The following PHOX2B variants were observed in gnomAD, a reference collection of about 807,000 sequenced individuals.
PHOX2B encodes the protein paired mesoderm homeobox protein 2B.
PHOX2B carries 1 observed loss-of-function variant against 15.5 expected under a neutral mutation model. The ratio of observed to expected loss-of-function variants is 0.06; its 90% CI spans 0.02 to 0.31. The LOEUF (loss-of-function observed/expected upper bound fraction) is 0.31, where lower values mean the gene tolerates loss of function less well. PHOX2B is among the 10% of genes least tolerant of loss of function. The probability of loss-of-function intolerance (pLI) is 1.00; values close to 1 mark genes in which losing one functional copy is unlikely to be tolerated. For synonymous variants in PHOX2B, 206 were observed against 190.5 expected, an observed-to-expected ratio of 1.08 and a Z score of -0.67; for missense variants, 314 against 436.4, an observed-to-expected ratio of 0.72 and a Z score of 2.50.
rs1733959026 is a variant in PHOX2B, at chr4:41,747,735, T to A, written c.242-199A>T. On this transcript the variant is annotated intron_variant, in intron 1 of 2. Transcript: ENST00000226382. ...GGAAACCTGGGCTCAAACTTCGGGC[T>A]TGGCGGAGTCCTTTCTGGCACAAGC... 5.7e-6 allele frequency: 4 copies of A among 699,848 alleles called. No homozygotes were observed. In the Admixed American group the frequency reaches 8.0e-5, roughly 14 times the overall value. The allele number at this position is 699,848 out of a possible 1,614,324, so 43.4% of individuals were successfully genotyped here. A position where few individuals can be genotyped will look rare whatever the true frequency, so the allele number is the denominator to read the frequency against.
At position 41,745,592 on chromosome 4, in the gene PHOX2B, T is replaced by G; in HGVS notation, c.*215A>C. On this transcript the variant is annotated 3_prime_UTR_variant, in exon 3 of 3. Coordinates refer to ENST00000226382, the MANE Select transcript of PHOX2B (RefSeq NM_003924.4). The surrounding 1 kb of genome is among the most constrained non-coding windows in gnomAD (Gnocchi z 4.0). ...TGCGAAGCCAGGGAAGTTTGTTTGT[T>G]TTGTTTGGGGGTTGAGGAAGGGGGT... 7.5e-6 allele frequency: 4 copies of G among 533,144 alleles called. No individual in the cohort carries two copies. The highest frequency in any genetic ancestry group is 9.5e-6 in the Non-Finnish European group (3 of 316,970). The allele number at this position is 533,144 out of a possible 1,614,324, so 33.0% of individuals were successfully genotyped here.
intron 2 of PHOX2B, 93 bp downstream of exon 2, chr4:41,747,256 G>A (rs1382363424): frequency 2.9e-6 from 3 of 1,042,656 alleles, no homozygotes; most frequent in Non-Finnish European, 4.4e-6. Context: ...TCTCACTCGA[G>A]GCTCCAGGAC....
Position 41,744,656 on chromosome 4 carries a change from G to T in PHOX2B, c.*1151C>A. 4.3e-6 allele frequency: 1 copy of T among 233,614 alleles called. No homozygotes were observed. The highest frequency in any genetic ancestry group is 6.0e-5 in the East Asian group (1 of 16,574). 14.5% of individuals were successfully genotyped at this position (233,614 alleles called of 1,614,324 possible). A position where few individuals can be genotyped will look rare whatever the true frequency, so the allele number is the denominator to read the frequency against. On this transcript the variant is annotated 3_prime_UTR_variant, in exon 3 of 3. Coordinates refer to ENST00000226382, the MANE Select transcript of PHOX2B (RefSeq NM_003924.4). The stretch of plus-strand genomic sequence containing the variant: ...CCATACAGGATGTGAGTCCAGTTCG[G>T]ATCATTCCAACAGAAATGCAAACCG...
chr4:41,745,799 A>G lies in PHOX2B; in HGVS notation c.*8T>C, dbSNP rs1273492201. Reference sequence around the variant, plus strand: ...TCGCCGCCGCCGCCGCCGCCGCAGGATTCCAGATCAGAACATACTGCTCTT... The same window carrying G: ...TCGCCGCCGCCGCCGCCGCCGCAGGGTTCCAGATCAGAACATACTGCTCTT... On this transcript the variant is annotated 3_prime_UTR_variant, in exon 3 of 3. Transcript: ENST00000226382. The surrounding 1 kb of genome is among the most constrained non-coding windows in gnomAD (Gnocchi z 4.0). 1 of 1,598,148 alleles carries G rather than the reference A, an allele frequency of 6.3e-7. No individual in the cohort carries two copies. Among genetic ancestry groups the G allele is most frequent in the African/African-American group, 1.4e-5 (1 of 71,672 alleles).
At chr4:41,748,177 A>T in intron 1 of PHOX2B, 193 bp downstream of exon 1, 1 of 637,872 alleles carries the variant, frequency 1.6e-6, no homozygotes. Flanking sequence ...TTCGGGTGTG[A>T]CTAGGATAGT....
intron 1 of PHOX2B, chr4:41,747,740 G>A (rs1400845950): frequency 4.3e-6 from 3 of 698,232 alleles, no homozygotes; most frequent in African/African-American, 3.5e-5. Flanking sequence ...CGGGCTTGGC[G>A]GAGTCCTTTC....
chr4:41,745,993 C>CGCT lies in PHOX2B; in HGVS notation c.758_759insAGC (p.Ala260dup). On this transcript the variant is annotated inframe_insertion, in exon 3 of 3. Transcript: ENST00000226382. This position sits in a 1 kb window ranked among gnomAD's most constrained non-coding sequence, Gnocchi z 4.0. ...CTCCAGCTGCCGCCGCTGCCGCTGC[C>CGCT]GCCGCCGCCGCTGCCGCGGCCGCCG... The CGCT allele has an allele frequency of 8.3e-7, 1 of 1,209,364 alleles. No homozygotes were observed. Among genetic ancestry groups the CGCT allele is most frequent in the Non-Finnish European group, 1.0e-6 (1 of 974,572 alleles). The allele number at this position is 1,209,364 out of a possible 1,614,324, so 74.9% of individuals were successfully genotyped here.
chr4:41,747,388 C>G lies in PHOX2B; in HGVS notation c.390G>C (p.Glu130Asp). ...CTGTGAGGTCGATCTTCAGGGCCAG[C>G]TCCTCCCGAGTGTAGATGTCGGGGT... ...THYPDIYTRE[E>D]LALKIDLTEA... Residue 130 changes from glutamate (E) to aspartate (D), a missense_variant, in exon 2 of 3, where the codon GAG (glutamate) becomes GAC (aspartate). Coordinates refer to ENST00000226382, the MANE Select transcript of PHOX2B (RefSeq NM_003924.4). The G allele has an allele frequency of 1.2e-6, 2 of 1,609,646 alleles. No homozygotes were observed. The highest frequency in any genetic ancestry group is 1.7e-6 in the Non-Finnish European group (2 of 1,179,946).
Position 41,746,132 on chromosome 4 carries a change from C to A in PHOX2B, c.620G>T (p.Ser207Ile). ...GPGPNPNPTP[S>I]CGANGGGGGG... is the part of the protein sequence containing the mutation. The stretch of plus-strand genomic sequence containing the variant: ...GCCGCCGCCTCCATTCGCCCCGCAG[C>A]TGGGGGTGGGGTTGGGATTGGGACC... The change falls in exon 3 of 3, where the codon AGC becomes ATC. Residue 207 changes from serine (S) to isoleucine (I), a missense_variant. Transcript: ENST00000226382. The A allele has an allele frequency of 6.2e-6, 10 of 1,601,840 alleles. No homozygotes were observed. The highest frequency in any genetic ancestry group is 8.5e-6 in the Non-Finnish European group (10 of 1,176,148).
rs2153112760 is a variant in PHOX2B, at chr4:41,745,982, G to A, written c.770C>T (p.Ala257Val). ...CGCAGCCAGGCCTCCAGCTGCCGCC[G>A]CTGCCGCTGCCGCCGCCGCCGCTGC... ...AAAAAAAAAA[A>V]AAAGGLAAAG... is the part of the protein sequence containing the mutation. Residue 257 changes from alanine (A) to valine (V), a missense_variant, in exon 3 of 3, where the codon GCG becomes GTG. Physicochemically the swap from Ala to Val is moderately conservative, Grantham distance 64. Around this residue, in one of 7 missense-constraint regions of PHOX2B, gnomAD observed 157 missense variants for 169.0 expected, o/e 0.93. Transcript: ENST00000226382. The surrounding 1 kb of genome is among the most constrained non-coding windows in gnomAD (Gnocchi z 4.0). 3 of 1,256,034 alleles carry A rather than the reference G, an allele frequency of 2.4e-6. No homozygotes were observed. Among genetic ancestry groups the A allele is most frequent in the African/African-American group, 1.6e-5 (1 of 63,344 alleles). The allele number at this position is 1,256,034 out of a possible 1,614,324, so 77.8% of individuals were successfully genotyped here.
chr4:41,748,405 G>T lies in PHOX2B; in HGVS notation c.206C>A (p.Thr69Asn), dbSNP rs1339095355. Reference sequence around the variant, plus strand: ...CGGACTGCTCTGGTGGTCCCTGAGGGTGCCCAGGCTGCAGGATCCCGGCGT... The same window carrying T: ...CGGACTGCTCTGGTGGTCCCTGAGGTTGCCCAGGCTGCAGGATCCCGGCGT... ...SLTPGSCSLGTLRDHQSSPYA... is the reference protein window; with the variant it reads ...SLTPGSCSLGNLRDHQSSPYA... Residue 69 changes from threonine (T) to asparagine (N), a missense_variant, in exon 1 of 3, where the codon ACC becomes AAC. Thr to Asn is a moderately conservative substitution (Grantham distance 65, BLOSUM62 0). Around this residue, in one of 7 missense-constraint regions of PHOX2B, gnomAD observed 102 missense variants for 155.1 expected, o/e 0.66. Coordinates refer to ENST00000226382, the MANE Select transcript of PHOX2B (RefSeq NM_003924.4). The T allele has an allele frequency of 4.3e-6, 7 of 1,614,128 alleles. No homozygotes were observed. Among genetic ancestry groups the T allele is most frequent in the Non-Finnish European group, 5.9e-6 (7 of 1,179,998 alleles).
In PHOX2B at chr4:41,745,216, C is replaced by T. The variant is rs1395887678; in HGVS notation, c.*591G>A. On this transcript the variant is annotated 3_prime_UTR_variant, in exon 3 of 3. Transcript: ENST00000226382. This position sits in a 1 kb window ranked among gnomAD's most constrained non-coding sequence, Gnocchi z 4.0. ...GGGGTTCACAAGATCGAGCCTTCAG[C>T]TCCAGCTGCAGCTTCTCCCCTAGCC... is the stretch of plus-strand genomic sequence containing the variant. 1 of 233,412 alleles carries T rather than the reference C, an allele frequency of 4.3e-6. No homozygotes were observed. The highest frequency in any genetic ancestry group is 8.5e-6 in the Non-Finnish European group (1 of 118,252). 14.5% of individuals were successfully genotyped at this position (233,412 alleles called of 1,614,324 possible).
Position 41,746,008 on chromosome 4 carries a change from C to T in PHOX2B, c.744G>A (p.Ala248=), listed in dbSNP as rs758533453. The part of the protein sequence containing the change: ...KGGAAAAAAA[A]AAAAAAAAAA... ...CTGCCGCTGCCGCCGCCGCCGCTGCCGCGGCCGCCGCCGCTGCTGCTGCGC... is the reference window on the plus strand; with the variant it reads ...CTGCCGCTGCCGCCGCCGCCGCTGCTGCGGCCGCCGCCGCTGCTGCTGCGC... Residue 248 remains alanine (A), a synonymous_variant, in exon 3 of 3, where the codon GCG becomes GCA. Coordinates refer to ENST00000226382, the MANE Select transcript of PHOX2B (RefSeq NM_003924.4). 5.4e-6 allele frequency: 6 copies of T among 1,120,954 alleles called. No individual in the cohort carries two copies. Among genetic ancestry groups the T allele is most frequent in the East Asian group, 5.0e-5 (1 of 20,084 alleles). The allele number at this position is 1,120,954 out of a possible 1,614,324, so 69.4% of individuals were successfully genotyped here. A position where few individuals can be genotyped will look rare whatever the true frequency, so the allele number is the denominator to read the frequency against.
rs1440737466 is a variant in PHOX2B at position 41,745,957 on chromosome 4, C to A, written c.795G>T (p.Ala265=). Residue 265 remains alanine (A), a synonymous_variant, in exon 3 of 3, where the codon GCG becomes GCT. Transcript: ENST00000226382. The surrounding 1 kb of genome is among the most constrained non-coding windows in gnomAD (Gnocchi z 4.0). ...AAAAAAGGLA[A]AGGPGQGWAP... ...CCCAGCCTTGTCCAGGGCCCCCAGC[C>A]GCAGCCAGGCCTCCAGCTGCCGCCG... 4.8e-6 allele frequency: 7 copies of A among 1,445,718 alleles called. No individual in the cohort carries two copies. The highest frequency in any genetic ancestry group is 6.4e-6 in the Non-Finnish European group (7 of 1,093,516). 89.6% of individuals were successfully genotyped at this position (1,445,718 alleles called of 1,614,324 possible).
Position 41,745,184 on chromosome 4 carries a change from G to T in PHOX2B, c.*623C>A, listed in dbSNP as rs932600833. 1 of 233,184 alleles carries T rather than the reference G, an allele frequency of 4.3e-6. No individual in the cohort carries two copies. Among genetic ancestry groups the T allele is most frequent in the Non-Finnish European group, 8.5e-6 (1 of 118,022 alleles). The allele number at this position is 233,184 out of a possible 1,614,324, so 14.4% of individuals were successfully genotyped here. ...AGAATCCGTGCTGTTAGGAGGGAGCGGATTTAGGGGTTCACAAGATCGAGC... is the reference window on the plus strand; with the variant it reads ...AGAATCCGTGCTGTTAGGAGGGAGCTGATTTAGGGGTTCACAAGATCGAGC... On this transcript the variant is annotated 3_prime_UTR_variant, in exon 3 of 3. Transcript: ENST00000226382. The surrounding 1 kb of genome is among the most constrained non-coding windows in gnomAD (Gnocchi z 4.0).
chr4:41,745,521 C>G lies in PHOX2B; in HGVS notation c.*286G>C. 1 of 403,852 alleles carries G rather than the reference C, an allele frequency of 2.5e-6. No homozygotes were observed. Among genetic ancestry groups the G allele is most frequent in the Admixed American group, 4.5e-5 (1 of 22,028 alleles). 25.0% of individuals were successfully genotyped at this position (403,852 alleles called of 1,614,324 possible). A position where few individuals can be genotyped will look rare whatever the true frequency, so the allele number is the denominator to read the frequency against. ...TCCAGGCCGCGCTGCTCACAACCCC[C>G]GATCAGCAGGCGGAGCCCTGGCCCC... On this transcript the variant is annotated 3_prime_UTR_variant, in exon 3 of 3. Transcript: ENST00000226382. This position sits in a 1 kb window ranked among gnomAD's most constrained non-coding sequence, Gnocchi z 4.0.
At chr4:41,747,723 C>G (rs1039984903) in intron 1 of PHOX2B, 187 bp from the exon 2 acceptor site, 2 of 704,244 alleles carry the variant, frequency 2.8e-6, no homozygotes, top group African/African-American at 1.7e-5. Context: ...AACCTGGGCT[C>G]AAACTTCGGG....
At chr4:41,748,242 C>T (rs567155526) in intron 1 of PHOX2B, 128 bp downstream of exon 1, 1 of 1,040,770 alleles carries the variant, frequency 9.6e-7, no homozygotes, top group Admixed American at 2.0e-5. Context: ...GTGATAAATT[C>T]TTTCATTTGT....
Position 41,748,544 on chromosome 4 carries a change from T to A in PHOX2B, c.67A>T (p.Thr23Ser), listed in dbSNP as rs1377892483. ...GCATAGGCTGAAGCCAGGCTCGAGG[T>A]GTCCATCCCAGCCATACAGGACTCG... is the stretch of plus-strand genomic sequence containing the variant. ...AYESCMAGMD[T>S]SSLASAYADF... Residue 23 changes from threonine (T) to serine (S), a missense_variant, in exon 1 of 3, where the codon ACC (threonine) becomes TCC (serine). Thr to Ser is a moderately conservative substitution (Grantham distance 58). This residue lies in a region of PHOX2B where 102 missense variants were observed against 155.1 expected (regional missense o/e 0.66). Coordinates refer to ENST00000226382, the MANE Select transcript of PHOX2B (RefSeq NM_003924.4). The A allele has an allele frequency of 6.2e-7, 1 of 1,613,834 alleles. No homozygotes were observed. The highest frequency in any genetic ancestry group is 1.1e-5 in the South Asian group (1 of 91,056).
Sources: allele counts gnomAD v4.1 joint callset, GRCh38; gene constraint gnomAD v4.1.1; regional missense constraint gnomAD v4.1.1; non-coding constraint Gnocchi (gnomAD v3.1); transcripts MANE v1.5; gene names NCBI Gene and HGNC (gene_info 2026-07-23, HGNC 2026-07-21).